The following ABCA13 variants were observed in gnomAD, a reference collection of about 807,000 sequenced individuals.
ABCA13 encodes ATP binding cassette subfamily A member 13, also known as ATP-binding cassette sub-family A member 13.
ABCA13 carries 476 observed loss-of-function variants against 478.7 expected under a neutral mutation model. That is an observed-to-expected ratio of 0.99 (90% CI 0.92 to 1.07). The LOEUF (loss-of-function observed/expected upper bound fraction) is 1.07, where lower values mean the gene tolerates loss of function less well. ABCA13 is among the 50% of genes least tolerant of loss of function. The probability of loss-of-function intolerance (pLI) is 0.00; values close to 1 mark genes in which losing one functional copy is unlikely to be tolerated. For missense variants in ABCA13, 6,060 were observed against 5,910.6 expected, an observed-to-expected ratio of 1.03 and a Z score of -0.83; for synonymous variants, 2,252 against 2,158.9, an observed-to-expected ratio of 1.04 and a Z score of -1.20.
In ABCA13 at chr7:48,345,392, G is replaced by A. The variant is rs545913296; in HGVS notation, c.10205-5251G>A. 6.6e-4 allele frequency among the ~76,000 whole-genome samples: 100 copies of A among 152,242 alleles called. No homozygotes were observed. The South Asian group carries it at 0.017, about 26-fold the overall frequency. On this transcript the variant is annotated intron_variant, in intron 29 of 61. Coordinates refer to ENST00000435803, the MANE Select transcript of ABCA13 (RefSeq NM_152701.5). The stretch of plus-strand genomic sequence containing the variant: ...CTAGCACAGGAGATGACAGCTCTGC[G>A]TGTGTTAGTGCCCTGAAGACCTCCT...
chr7:48,570,825 T>C (rs141195399), intron 55 of ABCA13, among the ~76,000 whole-genome samples: 6 of 152,304 alleles, frequency 3.9e-5, no homozygotes, highest in African/African-American at 1.4e-4. Flanking sequence ...TAAAATTGGT[T>C]TCCACCATTT....
chr7:48,522,728 A>G (rs1052995156), intron 53 of ABCA13, among the ~76,000 whole-genome samples: 12 of 152,192 alleles, frequency 7.9e-5, no homozygotes, highest in Non-Finnish European at 1.6e-4. Flanking sequence ...GAAGAGATTT[A>G]AATGAATGTG....
In ABCA13 at chr7:48,448,447, T is replaced by A. The variant is rs1563274053; in HGVS notation, c.12566-6590T>A. Among the ~76,000 whole-genome samples the A allele has an allele frequency of 2.0e-5, 3 of 152,342 alleles. 1 individual carries two copies. The East Asian group carries it at 5.8e-4, about 29-fold the overall frequency. On this transcript the variant is annotated intron_variant, in intron 42 of 61. Transcript: ENST00000435803. ...TCAGTATAGGTTTAATCAAAAGTGT[T>A]TCAGCAACCTTTATTCAAAAATGTG... is the stretch of plus-strand genomic sequence containing the variant.
Position 48,276,429 on chromosome 7 carries a change from C to A in ABCA13, c.6763C>A (p.Leu2255Ile), listed in dbSNP as rs781510552. 2.5e-6 allele frequency: 4 copies of A among 1,570,530 alleles called. No individual in the cohort carries two copies. The African/African-American group carries it at 5.5e-5, about 21-fold the overall frequency. Residue 2255 changes from leucine to isoleucine, a missense_variant, in exon 17 of 62, where the codon CTC becomes ATC. Leu to Ile is a conservative substitution (Grantham distance 5, BLOSUM62 2). This residue lies in a region of ABCA13 where 4,423 missense variants were observed against 4,309.1 expected (regional missense o/e 1.03). Coordinates refer to ENST00000435803, the MANE Select transcript of ABCA13 (RefSeq NM_152701.5). Reference protein sequence around the residue: ...MQSETSRKTVLSLRSIVDFTE... With the variant: ...MQSETSRKTVISLRSIVDFTE... The stretch of plus-strand genomic sequence containing the variant: ...GTCAGAAACTAGTAGGAAAACAGTT[C>A]TCTCTCTGAGAAGCATAGTAGATTT...
intron 55 of ABCA13, among the ~76,000 whole-genome samples, chr7:48,548,846 A>G (rs1181437553): frequency 2.0e-5 from 3 of 151,362 alleles, no homozygotes; most frequent in Non-Finnish European, 4.4e-5. Context: ...CATGCTCCTT[A>G]CACCTGGGGA....
At chr7:48,232,163 T>TTTTTC (rs1789235169) in intron 7 of ABCA13, among the ~76,000 whole-genome samples, 1 of 138,950 alleles carries the variant, frequency 7.2e-6, no homozygotes, top group African/African-American at 2.6e-5. Context: ...TTTTTTTTTT[T>TTTTTC]TAGCTTTCTG....
rs376433232 is a variant in ABCA13, at chr7:48,175,882, TAAC to T, written c.69+4357_69+4359del. On this transcript the variant is annotated intron_variant, in intron 1 of 61. Transcript: ENST00000435803. ...GCTACTTCTTATTTTAAAGAATTAA[TAAC>T]AACAACAACAACAACAACAACAACA... 1.5e-3 allele frequency among the ~76,000 whole-genome samples: 223 copies of T among 151,638 alleles called. 1 individual carries two copies. Among genetic ancestry groups the T allele is most frequent in the Middle Eastern group, 6.8e-3 (2 of 292 alleles).
At chr7:48,506,952 C>A (rs573131466) in intron 49 of ABCA13, among the ~76,000 whole-genome samples, 3 of 152,208 alleles carry the variant, frequency 2.0e-5, no homozygotes, top group Admixed American at 1.3e-4. Flanking sequence ...AATTAAAAGT[C>A]GATAATAAAA....
chr7:48,640,742 A>C (rs1795047049), intron 59 of ABCA13, among the ~76,000 whole-genome samples: 1 of 152,192 alleles, frequency 6.6e-6, no homozygotes, highest in Non-Finnish European at 1.5e-5. Flanking sequence ...TAGAAATGAA[A>C]AAGTCAAGCT....
At chr7:48,604,803 A>G (rs1024247781) in intron 58 of ABCA13, among the ~76,000 whole-genome samples, 1 of 152,194 alleles carries the variant, frequency 6.6e-6, no homozygotes, top group Admixed American at 6.5e-5. Flanking sequence ...TGTCTCAGTG[A>G]TCTGTCTAAT....
In ABCA13 at chr7:48,274,174, G is replaced by C. The variant is rs752232924; in HGVS notation, c.4508G>C (p.Ser1503Thr). ...LNDSTKQVRM[S>T]INNLTTDFDF... ...GATTCCACAAAGCAAGTAAGGATGA[G>C]TATCAACAACTTAACAACAGACTTT... Residue 1503 changes from serine to threonine, a missense_variant, in exon 17 of 62, where the codon AGT becomes ACT. Ser to Thr is a moderately conservative substitution (Grantham distance 58). Transcript: ENST00000435803. 2 of 1,611,190 alleles carry C rather than the reference G, an allele frequency of 1.2e-6. No homozygotes were observed. Among genetic ancestry groups the C allele is most frequent in the African/African-American group, 1.3e-5 (1 of 74,872 alleles).
intron 42 of ABCA13, among the ~76,000 whole-genome samples, chr7:48,454,356 T>G (rs1825391361): frequency 6.6e-6 from 1 of 152,230 alleles, no homozygotes; most frequent in African/African-American, 2.4e-5. Context: ...GATTCGTTGG[T>G]AGAGGCTCCA....
intron 35 of ABCA13, among the ~76,000 whole-genome samples, chr7:48,382,613 C>A (rs188739497): frequency 5.1e-4 from 78 of 152,278 alleles, no homozygotes; most frequent in African/African-American, 1.8e-3. Context: ...AATTGAACAT[C>A]CTGTGTTTGT....
rs1832438755 is a variant in ABCA13 at position 48,520,129 on chromosome 7, A to G, written c.13886A>G (p.Tyr4629Cys). ...GGTCAAGGACTGGTAGAACTCTGCT[A>G]TAATCAGATCAAATATGACCTGACC... ...CLGQGLVELC[Y>C]NQIKYDLTHN... The change falls in exon 53 of 62, where the codon TAT becomes TGT. Residue 4629 changes from tyrosine (Y) to cysteine (C), a missense_variant. Tyr to Cys is a radical substitution (Grantham distance 194). This residue lies in a region of ABCA13 where 1,627 missense variants were observed against 1,571.0 expected (regional missense o/e 1.04). Transcript: ENST00000435803. The G allele has an allele frequency of 1.9e-6, 3 of 1,613,638 alleles. No individual in the cohort carries two copies. The highest frequency in any genetic ancestry group is 2.7e-5 in the African/African-American group (2 of 74,898).
At chr7:48,443,516 C>T (rs922272207) in intron 42 of ABCA13, among the ~76,000 whole-genome samples, 1 of 152,192 alleles carries the variant, frequency 6.6e-6, no homozygotes, top group Non-Finnish European at 1.5e-5. Flanking sequence ...CCTACATGTT[C>T]CTCCAATATT....
intron 45 of ABCA13, among the ~76,000 whole-genome samples, chr7:48,473,214 A>G (rs1827705282): frequency 6.6e-6 from 1 of 152,226 alleles, no homozygotes; most frequent in African/African-American, 2.4e-5. Flanking sequence ...GGGTGGAGAC[A>G]TAGAGTCAAA....
At chr7:48,380,266 A>G (rs559506300) in intron 35 of ABCA13, among the ~76,000 whole-genome samples, 7 of 152,312 alleles carry the variant, frequency 4.6e-5, no homozygotes, top group African/African-American at 1.7e-4. Flanking sequence ...TCTACTATTC[A>G]AGAATATCTG....
intron 32 of ABCA13, among the ~76,000 whole-genome samples, chr7:48,368,109 C>G (rs1333260539): frequency 6.6e-6 from 1 of 152,034 alleles, no homozygotes; most frequent in Non-Finnish European, 1.5e-5. Flanking sequence ...AGATATTTTC[C>G]ACTGACATGA....
intron 50 of ABCA13, among the ~76,000 whole-genome samples, chr7:48,509,991 A>G (rs2130893443): frequency 6.6e-6 from 1 of 152,332 alleles, no homozygotes; most frequent in Non-Finnish European, 1.5e-5. Flanking sequence ...TCCAGCCTCC[A>G]GAACTGTGAG....
Sources: allele counts gnomAD v4.1 joint callset (sites outside exome capture counted in the v4.1 genomes callset), GRCh38; gene constraint gnomAD v4.1.1; regional missense constraint gnomAD v4.1.1; transcripts MANE v1.5; gene names NCBI Gene and HGNC (gene_info 2026-07-23, HGNC 2026-07-21).